SPIDR: variants seen among roughly 807,000 people sequenced by gnomAD.
SPIDR encodes DNA repair-scaffolding protein.
Under a neutral mutation model 104.6 loss-of-function variants are expected in SPIDR, and 93 were observed. The ratio of observed to expected loss-of-function variants is 0.89; its 90% CI spans 0.75 to 1.06. SPIDR has a LOEUF of 1.06. Among genes scored for constraint, SPIDR ranks in the 50% least tolerant of loss-of-function variants. The pLI is 0.00. For synonymous variants in SPIDR, 431 were observed against 416.9 expected (o/e 1.03, Z -0.41); for missense variants, 1,154 against 1,111.2 (o/e 1.04, Z -0.55).
chr8:47,484,357 T>C (rs1473885191), intron 8 of SPIDR, among the ~76,000 whole-genome samples: 2 of 152,258 alleles, frequency 1.3e-5, no homozygotes, highest in African/African-American at 4.8e-5. Context: ...TGTGAATTTG[T>C]TGGTAAAGCC....
rs557909549 is a variant in SPIDR at position 47,320,024 on chromosome 8, C to CA, written c.525+25995dup. Among the ~76,000 whole-genome samples the CA allele has an allele frequency of 5.8e-3, 880 of 152,004 alleles. 30 individuals carry two copies. In the East Asian group the frequency reaches 0.089, roughly 15 times the overall value. On this transcript the variant is annotated intron_variant, in intron 5 of 19. Transcript: ENST00000297423. ...AGATCTAAAATTGACACCCTAACAT[C>CA]ACAATTAAAAGAACTAGAGAAGCAA...
intron 5 of SPIDR, among the ~76,000 whole-genome samples, chr8:47,344,587 G>T (rs1420704005): frequency 6.6e-6 from 1 of 152,132 alleles, no homozygotes; most frequent in Non-Finnish European, 1.5e-5. Context: ...TCTCACCAAC[G>T]GTGTAAAAGC....
At chr8:47,667,826 G>C (rs547135362) in intron 10 of SPIDR, 2 of 151,980 alleles carry the variant, frequency 1.3e-5, no homozygotes, top group Non-Finnish European at 2.9e-5. Flanking sequence ...GAAGATTAGC[G>C]TGGCCCCTGG....
Position 47,340,391 on chromosome 8 carries a change from G to A in SPIDR, c.525+46361G>A, listed in dbSNP as rs368433817. Reference sequence around the variant, plus strand: ...AGGCCGAGGTGGGTAGATCACTTGAGGTCAGGAGTTTGAGATGAGGCTGGC... The same window carrying A: ...AGGCCGAGGTGGGTAGATCACTTGAAGTCAGGAGTTTGAGATGAGGCTGGC... On this transcript the variant is annotated intron_variant, in intron 5 of 19. Coordinates refer to ENST00000297423, the MANE Select transcript of SPIDR (RefSeq NM_001080394.4). Among the ~76,000 whole-genome samples, 30 of 152,196 alleles carry A rather than the reference G, an allele frequency of 2.0e-4. 1 individual carries two copies. Among genetic ancestry groups the A allele is most frequent in the Middle Eastern group, 3.4e-3 (1 of 294 alleles).
intron 19 of SPIDR, among the ~76,000 whole-genome samples, chr8:47,733,388 A>G (rs188565327): frequency 6.6e-6 from 1 of 152,340 alleles, no homozygotes; most frequent in African/African-American, 2.4e-5. Flanking sequence ...CTCAGTCTCA[A>G]AAAAAGTAAT....
intron 8 of SPIDR, among the ~76,000 whole-genome samples, chr8:47,502,272 G>A (rs2080621592): frequency 6.6e-6 from 1 of 152,086 alleles, no homozygotes; most frequent in Non-Finnish European, 1.5e-5. Context: ...ATCTGGTCCG[G>A]GGCTTTTTTG....
chr8:47,270,042 T>C (rs942444718), intron 1 of SPIDR, among the ~76,000 whole-genome samples: 4 of 152,230 alleles, frequency 2.6e-5, no homozygotes, highest in Admixed American at 6.5e-5. Context: ...TATATGTTGC[T>C]GGATTCAGTT....
At chr8:47,453,166 G>A (rs892281581) in intron 8 of SPIDR, among the ~76,000 whole-genome samples, 31 of 152,186 alleles carry the variant, frequency 2.0e-4, no homozygotes, top group African/African-American at 7.5e-4. Context: ...GGATGTGAAG[G>A]ACCTCTTCAA....
At chr8:47,486,852 A>G (rs1160976171) in intron 8 of SPIDR, among the ~76,000 whole-genome samples, 5 of 152,246 alleles carry the variant, frequency 3.3e-5, no homozygotes, top group Non-Finnish European at 7.3e-5. Context: ...TGAAGGAAGC[A>G]CTAAACGCGG....
At chr8:47,575,687 C>T (rs188102586) in intron 8 of SPIDR, among the ~76,000 whole-genome samples, 1 of 148,220 alleles carries the variant, frequency 6.7e-6, no homozygotes, top group Non-Finnish European at 1.5e-5. Context: ...TTCGGCCAGG[C>T]GCAGTGGCTC....
chr8:47,462,837 C>T (rs894178068), intron 8 of SPIDR, among the ~76,000 whole-genome samples: 9 of 151,842 alleles, frequency 5.9e-5, no homozygotes, highest in Admixed American at 1.3e-4. Flanking sequence ...AGATTGACCA[C>T]GAAAAAACTG....
At chr8:47,363,814 T>G (rs765462285) in intron 5 of SPIDR, among the ~76,000 whole-genome samples, 2 of 151,754 alleles carry the variant, frequency 1.3e-5, no homozygotes, top group Non-Finnish European at 2.9e-5. Context: ...ACCAGAGTGG[T>G]ATCTAGGTGG....
intron 18 of SPIDR, 125 bp from the exon 19 acceptor site, chr8:47,729,287 T>A (rs1241228901): frequency 2.1e-6 from 3 of 1,454,804 alleles, no homozygotes; most frequent in Non-Finnish European, 2.8e-6. Context: ...CCTAAGGCCG[T>A]GAGACTGAAG....
chr8:47,502,230 T>A (rs2154371715), intron 8 of SPIDR, among the ~76,000 whole-genome samples: 1 of 152,346 alleles, frequency 6.6e-6, no homozygotes, highest in East Asian at 1.9e-4. Flanking sequence ...CAGCTCCTCC[T>A]TGTACCTCTG....
intron 5 of SPIDR, among the ~76,000 whole-genome samples, chr8:47,299,107 G>C (rs2041510584): frequency 6.6e-6 from 1 of 152,108 alleles, no homozygotes; most frequent in Non-Finnish European, 1.5e-5. Context: ...TCTTCCATTT[G>C]TTTGTATCCT....
intron 10 of SPIDR, among the ~76,000 whole-genome samples, chr8:47,611,569 G>T (rs985024679): frequency 6.6e-6 from 1 of 151,964 alleles, no homozygotes; most frequent in Non-Finnish European, 1.5e-5. Flanking sequence ...ATGGTGGCTG[G>T]TGCCTGTAGT....
At chr8:47,398,950 G>T (rs575924036) in intron 6 of SPIDR, among the ~76,000 whole-genome samples, 1 of 152,212 alleles carries the variant, frequency 6.6e-6, no homozygotes, top group Non-Finnish European at 1.5e-5. Context: ...ACGGTGAAAG[G>T]CAGGGTGTGC....
chr8:47,346,505 T>A (rs1433167510), intron 5 of SPIDR, among the ~76,000 whole-genome samples: 2 of 152,216 alleles, frequency 1.3e-5, no homozygotes, highest in East Asian at 3.9e-4. Flanking sequence ...GAGGATTCCC[T>A]CTTTTTCTAT....
At chr8:47,639,683 C>T (rs1170104794) in intron 10 of SPIDR, among the ~76,000 whole-genome samples, 2 of 152,170 alleles carry the variant, frequency 1.3e-5, no homozygotes, top group South Asian at 2.1e-4. Context: ...TGCAGTGGCT[C>T]GCGCCTGTTA....
Sources: gnomAD v4.1 joint callset for allele counts (sites outside exome capture counted in the v4.1 genomes callset) on GRCh38, gnomAD v4.1.1 for gene constraint, MANE v1.5 for transcripts, NCBI Gene and HGNC (gene_info 2026-07-23, HGNC 2026-07-21) for gene names.